Variants in DENND1A observed in about 807,000 individuals in gnomAD.
The protein encoded by DENND1A is DENN domain-containing protein 1A.
In DENND1A, 51 loss-of-function variants were observed where a neutral mutation model predicts 113.7. The observed-to-expected ratio is 0.45, with a 90% CI of 0.36 to 0.57. The LOEUF is 0.57. Among genes scored for constraint, DENND1A ranks in the 20% least tolerant of loss-of-function variants. DENND1A has a pLI of 0.00. For synonymous variants in DENND1A, 565 were observed against 570.8 expected, an observed-to-expected ratio of 0.99 and a Z score of 0.14; for missense variants, 1,258 against 1,395.9, an observed-to-expected ratio of 0.90 and a Z score of 1.57.
At chr9:123,849,847 G>A (rs1843090169) in intron 2 of DENND1A, among the ~76,000 whole-genome samples, 1 of 152,144 alleles carries the variant, frequency 6.6e-6, no homozygotes, top group Non-Finnish European at 1.5e-5. Context: ...ATGACATTGA[G>A]GTATTTAAGA....
chr9:123,608,540 A>G (rs1388104892), intron 11 of DENND1A, among the ~76,000 whole-genome samples: 1 of 152,230 alleles, frequency 6.6e-6, no homozygotes, highest in Non-Finnish European at 1.5e-5. Flanking sequence ...CTTAGGGTAC[A>G]TGTCTACAAA....
intron 2 of DENND1A, among the ~76,000 whole-genome samples, chr9:123,859,294 T>G (rs2133262043): frequency 6.6e-6 from 1 of 152,212 alleles, no homozygotes; most frequent in African/African-American, 2.4e-5. Context: ...ATGAACACTT[T>G]CTCTTCATTT....
At chr9:123,561,051 C>CT (rs2057723804) in intron 12 of DENND1A, among the ~76,000 whole-genome samples, 1 of 152,146 alleles carries the variant, frequency 6.6e-6, no homozygotes, top group Admixed American at 6.5e-5. Flanking sequence ...AATAAAAATC[C>CT]TTCCCCTCCC....
At chr9:123,449,876 A>T (rs1201957398) in intron 18 of DENND1A, among the ~76,000 whole-genome samples, 1 of 152,152 alleles carries the variant, frequency 6.6e-6, no homozygotes, top group Non-Finnish European at 1.5e-5. Context: ...ATAAAAGACT[A>T]CAAATTGGGT....
chr9:123,619,253 A>C (rs2060817957), intron 10 of DENND1A, among the ~76,000 whole-genome samples: 1 of 152,182 alleles, frequency 6.6e-6, no homozygotes. Context: ...AGCCTAAAAA[A>C]GTTTTTTATA....
intron 13 of DENND1A, among the ~76,000 whole-genome samples, chr9:123,465,255 A>T (rs951687449): frequency 6.6e-6 from 1 of 151,002 alleles, no homozygotes; most frequent in Non-Finnish European, 1.5e-5. Context: ...GGGAGCAAAT[A>T]ACAACAGTAC....
At chr9:123,903,878 A>G (rs995141314) in intron 1 of DENND1A, among the ~76,000 whole-genome samples, 2 of 152,162 alleles carry the variant, frequency 1.3e-5, no homozygotes, top group African/African-American at 4.8e-5. Flanking sequence ...CCATAGCTCA[A>G]GGAGGCCTGC....
At chr9:123,661,245 T>C (rs2063218938) in intron 8 of DENND1A, among the ~76,000 whole-genome samples, 1 of 152,188 alleles carries the variant, frequency 6.6e-6, no homozygotes, top group Admixed American at 6.5e-5. Context: ...CTCAATGAGC[T>C]AGTTAACAGA....
chr9:123,453,686 T>C (rs2047903487), intron 16 of DENND1A, among the ~76,000 whole-genome samples: 1 of 152,196 alleles, frequency 6.6e-6, no homozygotes, highest in Non-Finnish European at 1.5e-5. Flanking sequence ...GATACAGTAA[T>C]GTAATTATCG....
At chr9:123,403,669 C>T (rs1353421617) in intron 20 of DENND1A, 179 bp from the exon 21 acceptor site, 5 of 605,916 alleles carry the variant, frequency 8.3e-6, no homozygotes, top group Admixed American at 2.7e-5. Flanking sequence ...AGCAGACAGA[C>T]ACATTAACTG....
rs530958913 is a variant in DENND1A, at chr9:123,637,908, T to C, written c.619-7432A>G. Among the ~76,000 whole-genome samples, 39 of 93,494 alleles carry C rather than the reference T, an allele frequency of 4.2e-4. 2 individuals carry two copies. Among genetic ancestry groups the C allele is most frequent in the Admixed American group, 3.9e-3 (35 of 8,984 alleles). The allele number at this position is 93,494 out of a possible 152,430, so 61.3% of individuals were successfully genotyped here. Reference sequence around the variant, plus strand: ...ATTATCTTTTGGGAAAGGGAAGGAATAAACACACACACACACACACACACG... The same window carrying C: ...ATTATCTTTTGGGAAAGGGAAGGAACAAACACACACACACACACACACACG... On this transcript the variant is annotated intron_variant, in intron 9 of 23. Transcript: ENST00000394215.
chr9:123,420,457 G>A (rs4570233), intron 19 of DENND1A, among the ~76,000 whole-genome samples: 4 of 151,956 alleles, frequency 2.6e-5, no homozygotes, highest in African/African-American at 9.7e-5. Context: ...AAGGGGGTCC[G>A]GGAAGAAAAG....
chr9:123,840,203 A>G (rs1590313780), intron 2 of DENND1A, among the ~76,000 whole-genome samples: 1 of 152,114 alleles, frequency 6.6e-6, no homozygotes, highest in South Asian at 2.1e-4. Context: ...ACTGACCATA[A>G]ATGGTGTAAT....
chr9:123,895,037 G>A (rs1026481958), intron 1 of DENND1A, among the ~76,000 whole-genome samples: 1 of 151,718 alleles, frequency 6.6e-6, no homozygotes, highest in African/African-American at 2.4e-5. Context: ...TTGAAACTCA[G>A]AAACACTGCA....
In DENND1A at chr9:123,667,008, T is replaced by C; in HGVS notation, c.507+18A>G. The C allele has an allele frequency of 6.4e-7, 1 of 1,574,328 alleles. No individual in the cohort carries two copies. The highest frequency in any genetic ancestry group is 8.6e-7 in the Non-Finnish European group (1 of 1,167,684). On this transcript the variant is annotated intron_variant, in intron 8 of 23. Coordinates refer to ENST00000394215, the MANE Select transcript of DENND1A (RefSeq NM_001352964.2). ...AGAAGAATAAAAATTTAATTTTTTC[T>C]TCTTCCCAAGTACTTACATTCTCAG... is the stretch of plus-strand genomic sequence containing the variant.
In DENND1A at chr9:123,762,589, T is replaced by C. The variant is rs116003139; in HGVS notation, c.183-4767A>G. Among the ~76,000 whole-genome samples, 207 of 152,370 alleles carry C rather than the reference T, an allele frequency of 1.4e-3. 1 individual carries two copies. Among genetic ancestry groups the C allele is most frequent in the African/African-American group, 4.9e-3 (202 of 41,586 alleles). On this transcript the variant is annotated intron_variant, in intron 4 of 23. Coordinates refer to ENST00000394215, the MANE Select transcript of DENND1A (RefSeq NM_001352964.2). ...TCCATTTTGCAAATTGAGCTACAAC[T>C]ACACTGGGCACTGTAACAAGTGCTG... is the stretch of plus-strand genomic sequence containing the variant.
chr9:123,818,565 C>T (rs752426294), intron 2 of DENND1A, among the ~76,000 whole-genome samples: 2,009 of 45,026 alleles, frequency 0.045, 59 homozygotes, highest in African/African-American at 0.092. Context: ...CACACACACA[C>T]ACATATATAT....
chr9:123,706,895 T>A (rs559288852), intron 5 of DENND1A, among the ~76,000 whole-genome samples: 1 of 149,950 alleles, frequency 6.7e-6, no homozygotes. Flanking sequence ...AGACTAAGAA[T>A]AGAGTTGAGG....
At chr9:123,500,791 T>A (rs1396857121) in intron 13 of DENND1A, among the ~76,000 whole-genome samples, 1 of 152,188 alleles carries the variant, frequency 6.6e-6, no homozygotes, top group Non-Finnish European at 1.5e-5. Flanking sequence ...GACAGAACCA[T>A]ACTCAAATCT....
Sources: gnomAD v4.1 joint callset for allele counts (sites outside exome capture counted in the v4.1 genomes callset) on GRCh38, gnomAD v4.1.1 for gene constraint, MANE v1.5 for transcripts, NCBI Gene and HGNC (gene_info 2026-07-23, HGNC 2026-07-21) for gene names.